Variants in ABCA5 observed in about 807,000 individuals in gnomAD.
ABCA5 encodes the protein cholesterol transporter ABCA5.
A neutral mutation model predicts 206.0 loss-of-function variants in ABCA5; 163 were observed. The observed-to-expected ratio is 0.79, with a 90% CI of 0.70 to 0.90. The LOEUF (loss-of-function observed/expected upper bound fraction) is 0.90. Among genes scored for constraint, ABCA5 ranks in the 40% least tolerant of loss-of-function variants. The pLI, the probability that ABCA5 is intolerant of heterozygous loss-of-function variation, is 0.00. For missense variants in ABCA5, 1,859 were observed against 1,912.9 expected, an observed-to-expected ratio of 0.97 and a Z score of 0.53; for synonymous variants, 609 against 613.8, an observed-to-expected ratio of 0.99 and a Z score of 0.11.
chr17:69,297,421 A>G lies in ABCA5; in HGVS notation c.1268-62T>C. The stretch of plus-strand genomic sequence containing the variant: ...TTAGTTTTTAAATCATAAAGACAGC[A>G]TTTCAAACATATGACAACCTGCATC... On this transcript the variant is annotated intron_variant, in intron 9 of 38. Coordinates refer to ENST00000392676, the MANE Select transcript of ABCA5 (RefSeq NM_172232.4). 10 of 1,463,946 alleles carry G rather than the reference A, an allele frequency of 6.8e-6. No individual in the cohort carries two copies. In the South Asian group the frequency reaches 1.3e-4, roughly 19 times the overall value. The allele number at this position is 1,463,946 out of a possible 1,614,324, so 90.7% of individuals were successfully genotyped here.
At chr17:69,279,144 C>T (rs1227254239) in intron 18 of ABCA5, among the ~76,000 whole-genome samples, 4 of 152,262 alleles carry the variant, frequency 2.6e-5, no homozygotes, top group South Asian at 2.1e-4. Flanking sequence ...ACCCCATCGT[C>T]TCAGCCCAAA....
rs753900683 is a variant in ABCA5 at position 69,261,666 on chromosome 17, G to C, written c.3398C>G (p.Thr1133Ser). The C allele has an allele frequency of 2.0e-5, 30 of 1,479,302 alleles. No individual in the cohort carries two copies. Among genetic ancestry groups the C allele is most frequent in the Non-Finnish European group, 2.7e-5 (30 of 1,094,952 alleles). The allele number at this position is 1,479,302 out of a possible 1,614,324, so 91.6% of individuals were successfully genotyped here. A position where few individuals can be genotyped will look rare whatever the true frequency, so the allele number is the denominator to read the frequency against. Residue 1133 changes from threonine (T) to serine (S), a missense_variant, in exon 25 of 39, where the codon ACC becomes AGC. Thr to Ser is a moderately conservative substitution (Grantham distance 58, BLOSUM62 1). Coordinates refer to ENST00000392676, the MANE Select transcript of ABCA5 (RefSeq NM_172232.4). ...ATAGATAAATGACCAAAATTCTTTG[G>C]TATTTAAAATTTTCTTAAAGGTGAA... The part of the protein sequence containing the change: ...ASFTFKKILN[T>S]KEFWSFIYSV...
At chr17:69,316,109 G>C (rs774942980) in intron 1 of ABCA5, among the ~76,000 whole-genome samples, 7 of 152,120 alleles carry the variant, frequency 4.6e-5, no homozygotes, top group Admixed American at 6.5e-5. Context: ...CAGAAAAAAA[G>C]TCAGGAAACT....
chr17:69,274,104 G>GA lies in ABCA5; in HGVS notation c.2618dup (p.Thr874HisfsTer14), dbSNP rs773882354. 2.6e-6 allele frequency: 4 copies of GA among 1,541,188 alleles called. No individual in the cohort carries two copies. Among genetic ancestry groups the GA allele is most frequent in the Middle Eastern group, 1.9e-4 (1 of 5,382 alleles). On this transcript the variant is annotated frameshift_variant, in exon 20 of 39. Coordinates refer to ENST00000392676, the MANE Select transcript of ABCA5 (RefSeq NM_172232.4). LOFTEE classifies it high-confidence loss of function. ...CCAAAAACATAAAAATCTGAACTGTGAAAAAAATTAAAAGCAGAAGCAACC... is the reference window on the plus strand; with the variant it reads ...CCAAAAACATAAAAATCTGAACTGTGAAAAAAAATTAAAAGCAGAAGCAACC...
intron 37 of ABCA5, chr17:69,248,606 C>T: frequency 4.2e-6 from 1 of 235,424 alleles, no homozygotes; most frequent in Non-Finnish European, 8.3e-6. Context: ...TCTTTTGATC[C>T]CTGCTCTCTT....
At chr17:69,287,511 A>G (rs1191966734) in intron 15 of ABCA5, 102 bp downstream of exon 15, 6 of 1,390,206 alleles carry the variant, frequency 4.3e-6, no homozygotes, top group Non-Finnish European at 9.5e-7. Flanking sequence ...ACATACCACT[A>G]GGTAAAAGCT....
At position 69,244,988 on chromosome 17, in the gene ABCA5, C is replaced by T. The variant is rs2144876791; in HGVS notation, c.*2549G>A. 1 of 150,942 alleles carries T rather than the reference C, an allele frequency of 6.6e-6. No individual in the cohort carries two copies. Among genetic ancestry groups the T allele is most frequent in the African/African-American group, 2.4e-5 (1 of 41,380 alleles). 9.4% of individuals were successfully genotyped at this position (150,942 alleles called of 1,614,324 possible). A position where few individuals can be genotyped will look rare whatever the true frequency, so the allele number is the denominator to read the frequency against. The stretch of plus-strand genomic sequence containing the variant: ...TCTCCACGATCTTACAGGGCCAAAA[C>T]TGATAGTCATCCGAGTTCTCTCCAA... On this transcript the variant is annotated 3_prime_UTR_variant, in exon 39 of 39. Transcript: ENST00000392676.
At chr17:69,266,399 C>T (rs1289357001) in intron 23 of ABCA5, among the ~76,000 whole-genome samples, 2 of 151,952 alleles carry the variant, frequency 1.3e-5, no homozygotes, top group African/African-American at 2.4e-5. Context: ...AAAGAGTACA[C>T]AGGATCTCTC....
intron 13 of ABCA5, 30 bp from the exon 14 acceptor site, chr17:69,289,326 T>C (rs199511860): frequency 5.5e-5 from 81 of 1,473,394 alleles, no homozygotes; most frequent in Non-Finnish European, 6.9e-5. Flanking sequence ...ACAATGTTAT[T>C]TTAAAAATCA....
At position 69,284,554 on chromosome 17, in the gene ABCA5, TATTC is replaced by T. The variant is rs201770826; in HGVS notation, c.2273-486_2273-483del. Among the ~76,000 whole-genome samples the T allele has an allele frequency of 6.6e-3, 1,006 of 152,288 alleles. 15 individuals are homozygous for T. The highest frequency in any genetic ancestry group is 0.023 in the African/African-American group (936 of 41,572). Reference sequence around the variant, plus strand: ...AACATACAGTAATCATTTAAATACTTATTCATCTTTTAAAAAATAAAAAAGTAAA... The same window carrying T: ...AACATACAGTAATCATTTAAATACTTATCTTTTAAAAAATAAAAAAGTAAA... On this transcript the variant is annotated intron_variant, in intron 17 of 38. Transcript: ENST00000392676.
intron 20 of ABCA5, among the ~76,000 whole-genome samples, chr17:69,272,259 G>C (rs2075281692): frequency 1.3e-5 from 2 of 151,992 alleles, no homozygotes; most frequent in African/African-American, 4.8e-5. Flanking sequence ...AGGAACCACA[G>C]CACAAGAGAT....
intron 19 of ABCA5, 30 bp from the exon 20 acceptor site, chr17:69,274,158 A>G (rs745501001): frequency 1.2e-5 from 19 of 1,526,592 alleles, no homozygotes; most frequent in Non-Finnish European, 1.7e-5. Context: ...AACACAGCTC[A>G]GGGTACAAAG....
intron 19 of ABCA5, among the ~76,000 whole-genome samples, chr17:69,275,033 A>G (rs2075315940): frequency 6.6e-6 from 1 of 151,810 alleles, no homozygotes; most frequent in African/African-American, 2.4e-5. Flanking sequence ...TAGTAGAGAC[A>G]GGGTTTTGCC....
chr17:69,261,565 T>G, intron 25 of ABCA5, 70 bp downstream of exon 25: 1 of 734,678 alleles, frequency 1.4e-6, no homozygotes. Context: ...ACATTTTTAG[T>G]ATAATCAGGA....
chr17:69,272,697 G>A (rs941259241), intron 20 of ABCA5, among the ~76,000 whole-genome samples: 2 of 150,158 alleles, frequency 1.3e-5, no homozygotes, highest in East Asian at 1.9e-4. Flanking sequence ...TTTTCCATTC[G>A]AGTAATTTTC....
chr17:69,283,712 G>T (rs2075420758), intron 18 of ABCA5, among the ~76,000 whole-genome samples: 3 of 151,812 alleles, frequency 2.0e-5, no homozygotes, highest in African/African-American at 7.3e-5. Flanking sequence ...CATTATACAG[G>T]CCTCAGGTCA....
intron 22 of ABCA5, among the ~76,000 whole-genome samples, chr17:69,268,386 CAGTT>C (rs1307030223): frequency 6.6e-6 from 1 of 152,036 alleles, no homozygotes; most frequent in Non-Finnish European, 1.5e-5. Context: ...ATTTGAAAAG[CAGTT>C]AGTATGTCCA....
intron 35 of ABCA5, chr17:69,251,192 A>G (rs965423791): frequency 1.2e-4 from 18 of 153,250 alleles, no homozygotes; most frequent in African/African-American, 4.3e-4. Context: ...TCTGCACAAC[A>G]TCGTTTAGTT....
chr17:69,267,628 C>G (rs1244785268), intron 23 of ABCA5, among the ~76,000 whole-genome samples: 1 of 152,126 alleles, frequency 6.6e-6, no homozygotes, highest in Non-Finnish European at 1.5e-5. Flanking sequence ...ACAATTTAAA[C>G]AAGTTGAGTC....
Sources: gnomAD v4.1 joint callset for allele counts (sites outside exome capture counted in the v4.1 genomes callset) on GRCh38, gnomAD v4.1.1 for gene constraint, MANE v1.5 for transcripts, NCBI Gene and HGNC (gene_info 2026-07-23, HGNC 2026-07-21) for gene names.